BARD1: variants seen among roughly 807,000 people sequenced by gnomAD.
BARD1 encodes the protein BRCA1 associated RING domain 1, also known as BRCA1-associated RING domain protein 1.
A neutral mutation model predicts 77.0 loss-of-function variants in BARD1; 73 were observed. That is an observed-to-expected ratio of 0.95 (90% CI 0.79 to 1.15). The LOEUF is 1.15. Among genes scored for constraint, BARD1 ranks in the 50% most tolerant of loss-of-function variants. BARD1 has a pLI of 0.00. For synonymous variants in BARD1, 384 were observed against 338.0 expected (o/e 1.14, Z -1.49); for missense variants, 993 against 938.8 (o/e 1.06, Z -0.75).
chr2:214,798,172 G>C (rs374496921), intron 1 of BARD1, among the ~76,000 whole-genome samples: 31 of 152,204 alleles, frequency 2.0e-4, no homozygotes, highest in African/African-American at 7.5e-4. Flanking sequence ...CATCTTAATA[G>C]ATATGAACAT....
intron 7 of BARD1, among the ~76,000 whole-genome samples, chr2:214,751,521 A>G (rs968502958): frequency 2.0e-5 from 3 of 151,880 alleles, no homozygotes; most frequent in African/African-American, 7.3e-5. Context: ...ATTCTACTGT[A>G]TATTTTTATA....
At chr2:214,764,992 T>G (rs1480824779) in intron 6 of BARD1, among the ~76,000 whole-genome samples, 1 of 152,148 alleles carries the variant, frequency 6.6e-6, no homozygotes, top group African/African-American at 2.4e-5. Flanking sequence ...AATCCCAACC[T>G]CTTGGGTGAA....
chr2:214,732,900 G>A (rs1303894051), intron 9 of BARD1, among the ~76,000 whole-genome samples: 1 of 152,086 alleles, frequency 6.6e-6, no homozygotes, highest in Admixed American at 6.5e-5. Context: ...AGAATTTGGA[G>A]TAAGCGACAG....
chr2:214,758,365 A>G (rs911425862), intron 6 of BARD1, among the ~76,000 whole-genome samples: 13 of 152,368 alleles, frequency 8.5e-5, no homozygotes, highest in African/African-American at 2.4e-4. Flanking sequence ...ATATATGAAC[A>G]GCTCAATAAC....
At chr2:214,740,401 TTA>T in intron 9 of BARD1, among the ~76,000 whole-genome samples, 1 of 72,600 alleles carries the variant, frequency 1.4e-5, no homozygotes, top group Non-Finnish European at 3.0e-5. Flanking sequence ...TTTCAACGTA[TTA>T]ATTTATTCCT....
chr2:214,732,348 T>C (rs1457077136), intron 9 of BARD1, among the ~76,000 whole-genome samples: 1 of 152,126 alleles, frequency 6.6e-6, no homozygotes, highest in African/African-American at 2.4e-5. Context: ...AAATTAAGAT[T>C]CAGTTGTGTA....
In BARD1 at chr2:214,728,548, T is replaced by TTC; in HGVS notation, c.*127_*128insGA. On this transcript the variant is annotated 3_prime_UTR_variant, in exon 11 of 11. Transcript: ENST00000260947. ...AATCTGGCATTAGACTTTTTTTTTTTTTTTGATTCAAAGACAAATATGAAT... is the reference window on the plus strand; with the variant it reads ...AATCTGGCATTAGACTTTTTTTTTTTTCTTTTGATTCAAAGACAAATATGAAT... 1 of 901,522 alleles carries TTC rather than the reference T, an allele frequency of 1.1e-6. No homozygotes were observed. Among genetic ancestry groups the TTC allele is most frequent in the South Asian group, 1.8e-5 (1 of 55,786 alleles). The allele number at this position is 901,522 out of a possible 1,614,324, so 55.8% of individuals were successfully genotyped here. A position where few individuals can be genotyped will look rare whatever the true frequency, so the allele number is the denominator to read the frequency against.
At chr2:214,768,015 T>A (rs1194345370) in intron 5 of BARD1, among the ~76,000 whole-genome samples, 2 of 152,188 alleles carry the variant, frequency 1.3e-5, no homozygotes, top group Non-Finnish European at 2.9e-5. Flanking sequence ...AGATGATACA[T>A]AAAATCTGTA....
chr2:214,764,647 C>G (rs1574781955), intron 6 of BARD1, among the ~76,000 whole-genome samples: 2 of 152,184 alleles, frequency 1.3e-5, no homozygotes, highest in African/African-American at 4.8e-5. Context: ...TGGGATTTAA[C>G]CTTTATTTTA....
intron 3 of BARD1, 23 bp from the exon 4 acceptor site, chr2:214,781,532 A>C (rs779435625): frequency 6.3e-7 from 1 of 1,589,230 alleles, no homozygotes; most frequent in Non-Finnish European, 8.6e-7. Flanking sequence ...AAGAAAAAGA[A>C]ATCTGTTACA....
chr2:214,804,538 T>C (rs1001628891), intron 1 of BARD1, among the ~76,000 whole-genome samples: 1 of 152,232 alleles, frequency 6.6e-6, no homozygotes, highest in Non-Finnish European at 1.5e-5. Flanking sequence ...GTGCCTTTTC[T>C]GTATGTATGT....
intron 9 of BARD1, among the ~76,000 whole-genome samples, chr2:214,744,239 C>G (rs1380360768): frequency 6.6e-6 from 1 of 152,106 alleles, no homozygotes; most frequent in Admixed American, 6.5e-5. Context: ...AAGAGGGGAA[C>G]AGGTATACAT....
chr2:214,743,070 G>A (rs1047209791), intron 9 of BARD1, among the ~76,000 whole-genome samples: 1 of 152,158 alleles, frequency 6.6e-6, no homozygotes, highest in Non-Finnish European at 1.5e-5. Flanking sequence ...TCATAACTAG[G>A]AGGGACTAAT....
At chr2:214,730,027 T>TA (rs1488293916) in intron 10 of BARD1, among the ~76,000 whole-genome samples, 2 of 152,218 alleles carry the variant, frequency 1.3e-5, no homozygotes, top group Non-Finnish European at 2.9e-5. Flanking sequence ...TGACTTCTAA[T>TA]ATACTTATAT....
chr2:214,745,771 C>G lies in BARD1; in HGVS notation c.1761G>C (p.Glu587Asp), dbSNP rs1060501284. Residue 587 changes from glutamate to aspartate, a missense_variant, in exon 8 of 11, where the codon GAG becomes GAC. Physicochemically the swap from Glu to Asp is conservative, Grantham distance 45. Coordinates refer to ENST00000260947, the MANE Select transcript of BARD1 (RefSeq NM_000465.4). ...TTTTAGCCTTAAGAATTACTGCAAG[C>G]TCACTGAGCATTTTCTGTTGTTCTG... is the stretch of plus-strand genomic sequence containing the variant. ...LSSEQQKMLSELAVILKAKKY... is the reference protein window; with the variant it reads ...LSSEQQKMLSDLAVILKAKKY... 1.9e-6 allele frequency: 3 copies of G among 1,613,938 alleles called. No individual in the cohort carries two copies. The highest frequency in any genetic ancestry group is 2.5e-6 in the Non-Finnish European group (3 of 1,179,966).
chr2:214,730,986 T>C (rs1692329817), intron 9 of BARD1: 7 of 449,246 alleles, frequency 1.6e-5, no homozygotes, highest in South Asian at 1.1e-4. Flanking sequence ...AGGAATGTGC[T>C]TTAGTCTACA....
chr2:214,803,573 T>A (rs910884337), intron 1 of BARD1, among the ~76,000 whole-genome samples: 10 of 152,250 alleles, frequency 6.6e-5, no homozygotes, highest in African/African-American at 2.4e-4. Flanking sequence ...ACCTTGTCTA[T>A]GTTGCAAAGA....
At chr2:214,760,562 C>A (rs1010039534) in intron 6 of BARD1, among the ~76,000 whole-genome samples, 1 of 152,142 alleles carries the variant, frequency 6.6e-6, no homozygotes, top group African/African-American at 2.4e-5. Flanking sequence ...CTTATACAAG[C>A]CTTCCTCTCT....
At chr2:214,782,933 T>A (rs1695107217) in intron 3 of BARD1, among the ~76,000 whole-genome samples, 1 of 152,090 alleles carries the variant, frequency 6.6e-6, no homozygotes, top group Non-Finnish European at 1.5e-5. Flanking sequence ...GTAATAGAAA[T>A]GGTAAAAAGC....
Sources: allele counts gnomAD v4.1 joint callset (sites outside exome capture counted in the v4.1 genomes callset), GRCh38; gene constraint gnomAD v4.1.1; transcripts MANE v1.5; gene names NCBI Gene and HGNC (gene_info 2026-07-23, HGNC 2026-07-21).